The following SUCLA2 variants were observed in gnomAD, a reference collection of about 807,000 sequenced individuals.
The protein encoded by SUCLA2 is succinate--CoA ligase [ADP-forming] subunit beta, mitochondrial.
SUCLA2 carries 30 observed loss-of-function variants against 54.8 expected under a neutral mutation model. The observed-to-expected ratio is 0.55, with a 90% CI of 0.41 to 0.74. The LOEUF is 0.74. SUCLA2 is among the 30% of genes least tolerant of loss of function. The pLI is 0.00. For missense variants in SUCLA2, 476 were observed against 562.9 expected (o/e 0.85, Z 1.56); for synonymous variants, 172 against 188.9 (o/e 0.91, Z 0.74).
In SUCLA2 at chr13:47,986,392, G is replaced by A. The variant is rs111501018; in HGVS notation, c.534+2149C>T. ...TGCCCCCTTTTTAATGGGGTTGTTT[G>A]CTTTTTTTCTTGAAAATTTGTTTTA... is the stretch of plus-strand genomic sequence containing the variant. On this transcript the variant is annotated intron_variant, in intron 4 of 10. Transcript: ENST00000646932. Among the ~76,000 whole-genome samples, 185 of 152,154 alleles carry A rather than the reference G, an allele frequency of 1.2e-3. 1 individual carries two copies. Among genetic ancestry groups the A allele is most frequent in the African/African-American group, 4.1e-3 (171 of 41,506 alleles).
At chr13:47,956,435 C>A (rs1474832704) in intron 6 of SUCLA2, among the ~76,000 whole-genome samples, 2 of 151,716 alleles carry the variant, frequency 1.3e-5, no homozygotes, top group East Asian at 1.9e-4. Flanking sequence ...TAATGTGAAA[C>A]TGGAAGAAAA....
chr13:47,973,486 C>T, intron 4 of SUCLA2, 94 bp from the exon 5 acceptor site: 1 of 1,384,546 alleles, frequency 7.2e-7, no homozygotes, highest in Non-Finnish European at 1.0e-6. Context: ...CAGATGTAAG[C>T]ATCTATTACT....
At position 48,001,273 on chromosome 13, in the gene SUCLA2, T is replaced by A; in HGVS notation, c.-4A>T. The stretch of plus-strand genomic sequence containing the variant: ...CGTAGAACATGGAGGCCGCCATTTC[T>A]GAGTCGGACCCCGTCCCCTCGGCGC... On this transcript the variant is annotated 5_prime_UTR_variant, in exon 1 of 11. Transcript: ENST00000646932. 6.3e-7 allele frequency: 1 copy of A among 1,593,702 alleles called. No homozygotes were observed. The highest frequency in any genetic ancestry group is 1.1e-5 in the South Asian group (1 of 88,128).
intron 4 of SUCLA2, among the ~76,000 whole-genome samples, chr13:47,981,620 C>G (rs2137733142): frequency 6.6e-6 from 1 of 152,268 alleles, no homozygotes; most frequent in East Asian, 1.9e-4. Context: ...AGTTCAAGAC[C>G]AGCTGGCCAA....
At chr13:47,972,932 G>T (rs1949980173) in intron 5 of SUCLA2, among the ~76,000 whole-genome samples, 1 of 151,316 alleles carries the variant, frequency 6.6e-6, no homozygotes, top group Non-Finnish European at 1.5e-5. Flanking sequence ...TGTATTTTTA[G>T]TAGAGACGGG....
In SUCLA2 at chr13:47,969,768, G is replaced by T. The variant is rs1949947731; in HGVS notation, c.664-1035C>A. Among the ~76,000 whole-genome samples, 3 of 152,094 alleles carry T rather than the reference G, an allele frequency of 2.0e-5. No homozygotes were observed. The South Asian group carries it at 6.2e-4, about 32-fold the overall frequency. On this transcript the variant is annotated intron_variant, in intron 5 of 10. Transcript: ENST00000646932. The stretch of plus-strand genomic sequence containing the variant: ...TTCTTTGAAGATGAAGAAGATATTT[G>T]CAAAGAGTCAAATGCCAATAAGTAA...
chr13:47,990,146 G>C (rs116342022), intron 2 of SUCLA2, among the ~76,000 whole-genome samples: 1 of 152,120 alleles, frequency 6.6e-6, no homozygotes, highest in South Asian at 2.1e-4. Flanking sequence ...CCAGGAGTTC[G>C]AGACCAGACT....
chr13:47,945,293 C>T (rs1002283168), intron 10 of SUCLA2, among the ~76,000 whole-genome samples: 3 of 143,522 alleles, frequency 2.1e-5, no homozygotes, highest in Non-Finnish European at 4.5e-5. Flanking sequence ...CGTGGTGGCA[C>T]ACACCTGTAG....
chr13:48,000,734 C>T (rs1950223493), intron 1 of SUCLA2, among the ~76,000 whole-genome samples: 2 of 152,210 alleles, frequency 1.3e-5, no homozygotes, highest in Admixed American at 1.3e-4. Context: ...TCAGTAAGCA[C>T]CGCTGGTCCT....
intron 8 of SUCLA2, among the ~76,000 whole-genome samples, chr13:47,951,166 T>G (rs905510916): frequency 1.3e-5 from 2 of 152,184 alleles, no homozygotes; most frequent in African/African-American, 4.8e-5. Flanking sequence ...GGATAAATCC[T>G]GGACTAGGCC....
intron 5 of SUCLA2, among the ~76,000 whole-genome samples, chr13:47,972,751 T>C (rs1335073557): frequency 2.8e-5 from 4 of 144,800 alleles, no homozygotes; most frequent in African/African-American, 1.0e-4. Context: ...AGTGACTCTT[T>C]TTTTTTTTTT....
In SUCLA2 at chr13:48,001,028, C is replaced by T. The variant is rs1950226667; in HGVS notation, c.90+152G>A. 6.7e-6 allele frequency: 10 copies of T among 1,481,742 alleles called. No individual in the cohort carries two copies. In the South Asian group the frequency reaches 8.0e-5, roughly 12 times the overall value. The allele number at this position is 1,481,742 out of a possible 1,614,324, so 91.8% of individuals were successfully genotyped here. On this transcript the variant is annotated intron_variant, in intron 1 of 10. Coordinates refer to ENST00000646932, the MANE Select transcript of SUCLA2 (RefSeq NM_003850.3). ...TGGGCTCGCTCGTAGTCCTGGCGAG[C>T]AGCACTCCCAGGCAAGTCGCCCGAG...
chr13:47,964,967 T>C, intron 6 of SUCLA2, among the ~76,000 whole-genome samples: 1 of 124,670 alleles, frequency 8.0e-6, no homozygotes, highest in Non-Finnish European at 1.6e-5. Context: ...ATTTTATTTA[T>C]AATTTTTCAT....
At chr13:47,975,792 G>T (rs1275465222) in intron 4 of SUCLA2, among the ~76,000 whole-genome samples, 2 of 152,150 alleles carry the variant, frequency 1.3e-5, no homozygotes, top group Non-Finnish European at 2.9e-5. Context: ...CGCATGGTGG[G>T]CCCCTAGACA....
At chr13:47,983,779 G>A (rs923963750) in intron 4 of SUCLA2, among the ~76,000 whole-genome samples, 3 of 152,002 alleles carry the variant, frequency 2.0e-5, no homozygotes, top group African/African-American at 4.8e-5. Context: ...GTGAGCCACC[G>A]CACCCAGCCT....
chr13:47,989,550 C>A (rs1031396927), intron 2 of SUCLA2, among the ~76,000 whole-genome samples: 12 of 67,902 alleles, frequency 1.8e-4, no homozygotes, highest in Admixed American at 3.7e-4. Flanking sequence ...TAAACCATTT[C>A]TTAAAAGTAA....
At chr13:47,952,496 G>A (rs188161700) in intron 8 of SUCLA2, among the ~76,000 whole-genome samples, 25 of 151,270 alleles carry the variant, frequency 1.7e-4, no homozygotes, top group Admixed American at 1.3e-3. Flanking sequence ...CCTATTCCTC[G>A]ACTTTGCCTC....
intron 2 of SUCLA2, among the ~76,000 whole-genome samples, chr13:47,992,851 C>G (rs1593503056): frequency 6.6e-6 from 1 of 152,250 alleles, no homozygotes; most frequent in Admixed American, 6.5e-5. Flanking sequence ...TTACATGTAT[C>G]TATTCAACCA....
chr13:47,973,556 C>G (rs1949985253), intron 4 of SUCLA2, among the ~76,000 whole-genome samples, 164 bp from the exon 5 acceptor site: 3 of 152,120 alleles, frequency 2.0e-5, no homozygotes, highest in African/African-American at 7.2e-5. Context: ...GCACAGTGCC[C>G]TCTTATAAAT....
Sources: gnomAD v4.1 joint callset for allele counts (sites outside exome capture counted in the v4.1 genomes callset) on GRCh38, gnomAD v4.1.1 for gene constraint, MANE v1.5 for transcripts, NCBI Gene and HGNC (gene_info 2026-07-23, HGNC 2026-07-21) for gene names.